The following CELF4 variants were observed in gnomAD, a reference collection of about 807,000 sequenced individuals.
The protein encoded by CELF4 is CUG-BP- and ETR-3-like factor 4.
A neutral mutation model predicts 59.9 loss-of-function variants in CELF4; 18 were observed. The ratio of observed to expected loss-of-function variants is 0.30; its 90% CI spans 0.21 to 0.45. The LOEUF (loss-of-function observed/expected upper bound fraction) is 0.45, where lower values mean the gene tolerates loss of function less well. Among genes scored for constraint, CELF4 ranks in the 20% least tolerant of loss-of-function variants. CELF4 has a pLI of 1.00. For missense variants in CELF4, 456 were observed against 689.0 expected (o/e 0.66, Z 3.79); for synonymous variants, 261 against 267.1 (o/e 0.98, Z 0.22).
At chr18:37,474,767 G>A (rs2099844102) in intron 2 of CELF4, among the ~76,000 whole-genome samples, 1 of 152,234 alleles carries the variant, frequency 6.6e-6, no homozygotes. Context: ...TTGGGATGAT[G>A]CCACAAGGCT....
At chr18:37,247,437 T>A (rs1290480314) in intron 12 of CELF4, 1 of 144,722 alleles carries the variant, frequency 6.9e-6, no homozygotes, top group Non-Finnish European at 1.5e-5. Flanking sequence ...CAGGGAGGGC[T>A]GGGATTTGGG....
At chr18:37,262,093 C>A (rs867368924) in intron 10 of CELF4, among the ~76,000 whole-genome samples, 18 of 152,208 alleles carry the variant, frequency 1.2e-4, no homozygotes, top group Non-Finnish European at 5.9e-5. Context: ...CCGCTGTTCC[C>A]CCTGCCTGGA....
intron 1 of CELF4, among the ~76,000 whole-genome samples, chr18:37,514,931 T>C (rs1302421979): frequency 6.6e-6 from 1 of 152,180 alleles, no homozygotes; most frequent in Non-Finnish European, 1.5e-5. Context: ...AAAGGAACTT[T>C]TAAAAATGTA....
intron 1 of CELF4, among the ~76,000 whole-genome samples, chr18:37,521,623 C>A (rs1164317564): frequency 6.6e-6 from 1 of 152,094 alleles, no homozygotes; most frequent in East Asian, 1.9e-4. Context: ...ATCTTGATGC[C>A]CACATGTCAT....
intron 2 of CELF4, among the ~76,000 whole-genome samples, chr18:37,359,918 C>T (rs533630208): frequency 3.3e-5 from 5 of 151,144 alleles, no homozygotes; most frequent in South Asian, 4.2e-4. Flanking sequence ...GGAGCAATCT[C>T]GGCTCACTGC....
At chr18:37,542,750 T>A (rs1325090904) in intron 1 of CELF4, among the ~76,000 whole-genome samples, 1 of 152,214 alleles carries the variant, frequency 6.6e-6, no homozygotes, top group Non-Finnish European at 1.5e-5. Context: ...TATGAGACTA[T>A]TCTAGATGTT....
chr18:37,532,634 T>TA (rs764638359), intron 1 of CELF4, among the ~76,000 whole-genome samples: 407 of 142,760 alleles, frequency 2.9e-3, no homozygotes, highest in African/African-American at 8.0e-3. Context: ...AGTAGAAAAT[T>TA]AAAAAAAAAA....
chr18:37,554,438 T>C (rs781263721), intron 1 of CELF4, among the ~76,000 whole-genome samples: 2 of 152,144 alleles, frequency 1.3e-5, no homozygotes, highest in African/African-American at 2.4e-5. Context: ...CTGTTTCTTA[T>C]GAGAAGGGGA....
At chr18:37,536,935 A>G (rs1343021082) in intron 1 of CELF4, among the ~76,000 whole-genome samples, 2 of 152,156 alleles carry the variant, frequency 1.3e-5, no homozygotes, top group Non-Finnish European at 2.9e-5. Context: ...GACTCACTTC[A>G]CAAGATTCCT....
intron 2 of CELF4, among the ~76,000 whole-genome samples, chr18:37,478,239 G>T (rs975440104): frequency 6.6e-6 from 1 of 152,212 alleles, no homozygotes; most frequent in African/African-American, 2.4e-5. Flanking sequence ...CAGTCTAGAT[G>T]GTGTGTCCAG....
At chr18:37,376,398 T>G (rs540850408) in intron 2 of CELF4, among the ~76,000 whole-genome samples, 2 of 152,334 alleles carry the variant, frequency 1.3e-5, no homozygotes, top group Non-Finnish European at 2.9e-5. Flanking sequence ...GCCGGGACAC[T>G]GCAGCCCAGC....
chr18:37,290,853 A>G (rs1482820670), intron 3 of CELF4, among the ~76,000 whole-genome samples: 3 of 152,162 alleles, frequency 2.0e-5, no homozygotes, highest in East Asian at 1.9e-4. Context: ...GTCTTTCTCC[A>G]TCAGCCTTTT....
chr18:37,505,169 A>T (rs556700635), intron 1 of CELF4, among the ~76,000 whole-genome samples: 3 of 151,930 alleles, frequency 2.0e-5, no homozygotes, highest in African/African-American at 7.3e-5. Flanking sequence ...TGAGGTCCTC[A>T]TATGACTGGT....
In CELF4 at chr18:37,254,022, G is replaced by C; in HGVS notation, c.1334-84C>G. On this transcript the variant is annotated intron_variant, in intron 11 of 12. Transcript: ENST00000420428. The surrounding 1 kb of genome is among the most constrained non-coding windows in gnomAD (Gnocchi z 5.1). Reference sequence around the variant, plus strand: ...GGCGGGGAGGGGTCGGGGGACAGGGGGGCGGGGCGGGCCTGAGGCTCTCCC... The same window carrying C: ...GGCGGGGAGGGGTCGGGGGACAGGGCGGCGGGGCGGGCCTGAGGCTCTCCC... 1.9e-6 allele frequency: 2 copies of C among 1,056,602 alleles called. 1 individual carries two copies. The highest frequency in any genetic ancestry group is 2.6e-6 in the Non-Finnish European group (2 of 780,006). The allele number at this position is 1,056,602 out of a possible 1,614,324, so 65.5% of individuals were successfully genotyped here.
chr18:37,361,869 G>C (rs1274801624), intron 2 of CELF4, among the ~76,000 whole-genome samples: 1 of 138,388 alleles, frequency 7.2e-6, no homozygotes, highest in Non-Finnish European at 1.6e-5. Flanking sequence ...GGAGGGGGGC[G>C]GGGGATTCCT....
In CELF4 at chr18:37,273,161, C is replaced by A. The variant is rs2092116126; in HGVS notation, c.804G>T (p.Leu268=). The change falls in exon 7 of 13, where the codon CTG becomes CTT. Residue 268 remains leucine (L), a splice_region_variant and synonymous_variant. Coordinates refer to ENST00000420428, the MANE Select transcript of CELF4 (RefSeq NM_020180.4). ...CCATCAGGGCCGCTTGCTGCTGCAT[C>A]AGCTGGGGCAGAGGGAGTGGAAAAA... ...FGAYGAYAQA[L]MQQQAALMAS... is the part of the protein sequence containing the mutation. The A allele has an allele frequency of 3.1e-6, 5 of 1,607,256 alleles. No homozygotes were observed. The highest frequency in any genetic ancestry group is 1.3e-5 in the African/African-American group (1 of 74,838).
chr18:37,431,213 C>A (rs1317830832), intron 2 of CELF4, among the ~76,000 whole-genome samples: 1 of 152,082 alleles, frequency 6.6e-6, no homozygotes, highest in Non-Finnish European at 1.5e-5. Flanking sequence ...TTAAAACTGA[C>A]CAACTGACTG....
intron 1 of CELF4, among the ~76,000 whole-genome samples, chr18:37,515,002 G>T (rs1317930729): frequency 6.6e-6 from 1 of 152,072 alleles, no homozygotes; most frequent in Admixed American, 6.5e-5. Flanking sequence ...TTCCATTGCG[G>T]GAACATAATT....
intron 1 of CELF4, among the ~76,000 whole-genome samples, chr18:37,500,682 T>G (rs749238459): frequency 6.6e-6 from 1 of 151,940 alleles, no homozygotes; most frequent in Non-Finnish European, 1.5e-5. Context: ...TACAGGCACC[T>G]GCCACCATGC....
Sources: gnomAD v4.1 joint callset for allele counts (sites outside exome capture counted in the v4.1 genomes callset) on GRCh38, gnomAD v4.1.1 for gene constraint, Gnocchi (gnomAD v3.1) non-coding constraint, MANE v1.5 for transcripts, NCBI Gene and HGNC (gene_info 2026-07-23, HGNC 2026-07-21) for gene names.